NRG3: variants seen among roughly 807,000 people sequenced by gnomAD.
NRG3 encodes neuregulin 3.
In NRG3, 31 loss-of-function variants were observed where a neutral mutation model predicts 66.9. That is an observed-to-expected ratio of 0.46 (90% CI 0.35 to 0.63). The LOEUF (loss-of-function observed/expected upper bound fraction) is 0.63. Among genes scored for constraint, NRG3 ranks in the 20% least tolerant of loss-of-function variants. The probability of loss-of-function intolerance (pLI) is 0.00; values close to 1 mark genes in which losing one functional copy is unlikely to be tolerated. For missense variants in NRG3, 910 were observed against 878.9 expected, an observed-to-expected ratio of 1.04 and a Z score of -0.45; for synonymous variants, 393 against 359.4, an observed-to-expected ratio of 1.09 and a Z score of -1.06.
intron 1 of NRG3, among the ~76,000 whole-genome samples, chr10:82,052,865 C>A (rs2063665543): frequency 6.6e-6 from 1 of 152,050 alleles, no homozygotes; most frequent in Non-Finnish European, 1.5e-5. Flanking sequence ...TTCTTTTGGT[C>A]TTGTTTCCTA....
At chr10:82,943,461 G>C (rs1442418560) in intron 4 of NRG3, among the ~76,000 whole-genome samples, 1 of 152,180 alleles carries the variant, frequency 6.6e-6, no homozygotes, top group Non-Finnish European at 1.5e-5. Flanking sequence ...GTGATTCTCA[G>C]TCTGAGGCCA....
At chr10:82,334,368 A>T (rs748021323) in intron 1 of NRG3, among the ~76,000 whole-genome samples, 2 of 152,184 alleles carry the variant, frequency 1.3e-5, no homozygotes, top group Admixed American at 6.5e-5. Flanking sequence ...GTGAAGGGAA[A>T]GGAAACATGT....
intron 2 of NRG3, among the ~76,000 whole-genome samples, chr10:82,426,597 AATTATT>A (rs142603787): frequency 0.32 from 42,340 of 132,218 alleles, 7,225 homozygotes; most frequent in South Asian, 0.49. Context: ...TCCTCAATGG[AATTATT>A]ATTATTATTA....
At chr10:82,931,969 C>T (rs1166202368) in intron 4 of NRG3, among the ~76,000 whole-genome samples, 3 of 152,168 alleles carry the variant, frequency 2.0e-5, no homozygotes, top group African/African-American at 7.2e-5. Flanking sequence ...AGATAAAATT[C>T]TTCTACCTTA....
intron 2 of NRG3, among the ~76,000 whole-genome samples, chr10:82,710,673 T>C (rs2056611120): frequency 1.3e-5 from 2 of 151,606 alleles, no homozygotes; most frequent in Non-Finnish European, 2.9e-5. Flanking sequence ...TTTATTCAAT[T>C]ATTAGCTCAT....
rs71007284 is a variant in NRG3 at position 81,903,974 on chromosome 10, G to GTATA, written c.823+27831_823+27834dup. Among the ~76,000 whole-genome samples the GTATA allele has an allele frequency of 5.9e-3, 850 of 143,428 alleles. 4 individuals carry two copies. The highest frequency in any genetic ancestry group is 8.7e-3 in the Non-Finnish European group (572 of 65,774). The allele number at this position is 143,428 out of a possible 152,430, so 94.1% of individuals were successfully genotyped here. On this transcript the variant is annotated intron_variant, in intron 1 of 8. Transcript: ENST00000372141. Reference sequence around the variant, plus strand: ...ATCCACCTTCAAGACTTCAGAGTGTGTATATATATATATATATATATATTT... The same window carrying GTATA: ...ATCCACCTTCAAGACTTCAGAGTGTGTATATATATATATATATATATATATATTT...
intron 1 of NRG3, among the ~76,000 whole-genome samples, chr10:82,287,435 T>C (rs2079481714): frequency 6.6e-6 from 1 of 152,000 alleles, no homozygotes; most frequent in African/African-American, 2.4e-5. Flanking sequence ...ACCTCTTTTC[T>C]TTGTAAATTA....
chr10:81,917,784 C>G (rs530578137), intron 1 of NRG3, among the ~76,000 whole-genome samples: 13 of 152,308 alleles, frequency 8.5e-5, no homozygotes, highest in Non-Finnish European at 1.5e-4. Context: ...CCCTGACCCC[C>G]CTCCAAGCTG....
chr10:82,136,795 C>G (rs184906912), intron 1 of NRG3, among the ~76,000 whole-genome samples: 1 of 152,282 alleles, frequency 6.6e-6, no homozygotes, highest in East Asian at 1.9e-4. Context: ...TAAATGCTCC[C>G]TCCGTGGGTT....
chr10:82,466,913 CAAAA>C (rs77350035), intron 2 of NRG3, among the ~76,000 whole-genome samples: 1 of 69,338 alleles, frequency 1.4e-5, no homozygotes, highest in African/African-American at 5.0e-5. Context: ...GTACCCTGAC[CAAAA>C]AAAAAAAAAA....
intron 2 of NRG3, among the ~76,000 whole-genome samples, chr10:82,554,859 T>C (rs762605811): frequency 6.6e-6 from 1 of 152,182 alleles, no homozygotes; most frequent in African/African-American, 2.4e-5. Context: ...TGTGAATTTC[T>C]ATGTGAAAAG....
rs35591529 is a variant in NRG3 at position 82,890,127 on chromosome 10, G to GTTT, written c.1054+24706_1054+24708dup. ...ACAGGGACTCTAGATGATCTGCTAA[G>GTTT]TTTTTTTTTTTTTTTTTTAAGTAAT... On this transcript the variant is annotated intron_variant, in intron 4 of 8. Coordinates refer to ENST00000372141, the MANE Select transcript of NRG3 (RefSeq NM_001010848.4). 7.6e-3 allele frequency among the ~76,000 whole-genome samples: 1,047 copies of GTTT among 138,132 alleles called. 13 individuals are homozygous for GTTT. The highest frequency in any genetic ancestry group is 0.022 in the African/African-American group (829 of 38,086). 90.6% of individuals were successfully genotyped at this position (138,132 alleles called of 152,430 possible).
intron 1 of NRG3, among the ~76,000 whole-genome samples, chr10:82,193,717 A>C (rs2133380593): frequency 6.6e-6 from 1 of 152,322 alleles, no homozygotes; most frequent in Admixed American, 6.5e-5. Context: ...TTGGCTTGGA[A>C]GTTACTGGAA....
At chr10:82,676,631 G>A (rs921628144) in intron 2 of NRG3, among the ~76,000 whole-genome samples, 4 of 151,992 alleles carry the variant, frequency 2.6e-5, no homozygotes, top group Non-Finnish European at 5.9e-5. Context: ...TTACAGGTGT[G>A]TCCCACCACT....
chr10:82,049,693 A>G (rs923631780), intron 1 of NRG3, among the ~76,000 whole-genome samples: 5 of 152,004 alleles, frequency 3.3e-5, no homozygotes, highest in Admixed American at 1.3e-4. Context: ...GAGAGGGTCT[A>G]TGGAGAACCC....
At chr10:82,628,471 T>C (rs2049580422) in intron 2 of NRG3, among the ~76,000 whole-genome samples, 1 of 152,170 alleles carries the variant, frequency 6.6e-6, no homozygotes, top group Non-Finnish European at 1.5e-5. Flanking sequence ...CCCATGGAAC[T>C]AGAAGCAATT....
intron 2 of NRG3, among the ~76,000 whole-genome samples, chr10:82,389,305 C>G (rs893892795): frequency 7.2e-5 from 11 of 152,184 alleles, no homozygotes; most frequent in African/African-American, 2.7e-4. Flanking sequence ...GTTAGTGTAA[C>G]TTTGAAAAGT....
At chr10:82,753,787 A>T (rs998830243) in intron 3 of NRG3, among the ~76,000 whole-genome samples, 2 of 151,972 alleles carry the variant, frequency 1.3e-5, no homozygotes, top group African/African-American at 4.8e-5. Flanking sequence ...TCTTTACTAA[A>T]TATACAAAAA....
chr10:82,853,302 AG>A (rs2063652353), intron 3 of NRG3, among the ~76,000 whole-genome samples: 1 of 152,158 alleles, frequency 6.6e-6, no homozygotes, highest in Non-Finnish European at 1.5e-5. Flanking sequence ...TATGAATTTT[AG>A]GATTGTTTTT....
Sources: allele counts gnomAD v4.1 joint callset (sites outside exome capture counted in the v4.1 genomes callset), GRCh38; gene constraint gnomAD v4.1.1; transcripts MANE v1.5; gene names NCBI Gene and HGNC (gene_info 2026-07-23, HGNC 2026-07-21).